Variants in MYH4 observed in about 807,000 individuals in gnomAD.
MYH4 encodes myosin heavy chain 4, also known as myosin-4.
In MYH4, 200 loss-of-function variants were observed where a neutral mutation model predicts 229.9. The observed-to-expected ratio is 0.87, with a 90% CI of 0.78 to 0.98. The LOEUF (loss-of-function observed/expected upper bound fraction) is 0.98. MYH4 is among the 50% of genes least tolerant of loss of function. MYH4 has a pLI of 0.00. For missense variants in MYH4, 2,148 were observed against 2,332.6 expected, an observed-to-expected ratio of 0.92 and a Z score of 1.63; for synonymous variants, 761 against 834.6, an observed-to-expected ratio of 0.91 and a Z score of 1.52.
At position 10,466,294 on chromosome 17, in the gene MYH4, A is replaced by T; in HGVS notation, c.327T>A (p.Arg109=). The change falls in exon 4 of 40, where the codon CGT becomes CGA. Residue 109 remains arginine, a synonymous_variant. Coordinates refer to ENST00000255381, the MANE Select transcript of MYH4 (RefSeq NM_017533.2). ...TCACGTAGATCATCCAGGCTGCGTAACGCTCTTTGAGGTTATACAGCACAG... is the reference window on the plus strand; with the variant it reads ...TCACGTAGATCATCCAGGCTGCGTATCGCTCTTTGAGGTTATACAGCACAG... ...EPAVLYNLKE[R]YAAWMIYTYS... is the part of the protein sequence containing the mutation. 6.2e-7 allele frequency: 1 copy of T among 1,614,092 alleles called. No homozygotes were observed. Among genetic ancestry groups the T allele is most frequent in the Non-Finnish European group, 8.5e-7 (1 of 1,180,018 alleles).
At chr17:10,455,148 G>T in intron 20 of MYH4, 24 bp downstream of exon 20, 1 of 1,614,066 alleles carries the variant, frequency 6.2e-7, no homozygotes, top group Non-Finnish European at 8.5e-7. Context: ...AATTATGACA[G>T]ATAGAAATTT....
At position 10,448,912 on chromosome 17, in the gene MYH4, A is replaced by G. The variant is rs1278676538; in HGVS notation, c.4317T>C (p.Ser1439=). ...VEDLMIDVER[S]NAACIALDKK... is the part of the protein sequence containing the mutation. ...TATCGAGAGCTATGCAGGCAGCATT[A>G]GATCGTTCCACATCAATCATGAGGT... Residue 1439 remains serine, a synonymous_variant, in exon 31 of 40, where the codon TCT becomes TCC. Transcript: ENST00000255381. 6.2e-7 allele frequency: 1 copy of G among 1,614,190 alleles called. No individual in the cohort carries two copies. Among genetic ancestry groups the G allele is most frequent in the Non-Finnish European group, 8.5e-7 (1 of 1,180,020 alleles).
intron 4 of MYH4, 36 bp downstream of exon 4, chr17:10,466,237 G>A: frequency 6.2e-7 from 1 of 1,609,290 alleles, no homozygotes; most frequent in South Asian, 1.1e-5. Flanking sequence ...TGTAGAATGT[G>A]GAGTGAGTGA....
At position 10,444,853 on chromosome 17, in the gene MYH4, A is replaced by G. The variant is rs1310742022; in HGVS notation, c.5513T>C (p.Val1838Ala). ...SEVESEQKHN[V>A]EAVKGLRKHE... ...TTTGCGAAGACCCTTGACAGCCTCAACATTGTGCTTCTGTTCACTTTCCAC... is the reference window on the plus strand; with the variant it reads ...TTTGCGAAGACCCTTGACAGCCTCAGCATTGTGCTTCTGTTCACTTTCCAC... Residue 1838 changes from valine (V) to alanine (A), a missense_variant, in exon 38 of 40, where the codon GTT becomes GCT. Val to Ala is a moderately conservative substitution (Grantham distance 64). Coordinates refer to ENST00000255381, the MANE Select transcript of MYH4 (RefSeq NM_017533.2). 1.2e-6 allele frequency: 2 copies of G among 1,614,132 alleles called. No homozygotes were observed. Among genetic ancestry groups the G allele is most frequent in the South Asian group, 2.2e-5 (2 of 91,076 alleles).
Position 10,448,891 on chromosome 17 carries a change from G to T in MYH4, c.4338C>A (p.Leu1446=). The T allele has an allele frequency of 6.2e-7, 1 of 1,614,096 alleles. No homozygotes were observed. The change falls in exon 31 of 40, where the codon CTC becomes CTA. Residue 1446 remains leucine (L), a synonymous_variant. Transcript: ENST00000255381. ...VERSNAACIA[L]DKKQRNFDKV... ...TGTCAAAGTTTCTTTGCTTCTTATC[G>T]AGAGCTATGCAGGCAGCATTAGATC...
In MYH4 at chr17:10,457,452, A is replaced by G. The variant is rs2072653692; in HGVS notation, c.1865T>C (p.Phe622Ser). Residue 622 changes from phenylalanine to serine, a missense_variant, in exon 16 of 40, where the codon TTC becomes TCC. Transcript: ENST00000255381. ...YQKSAMKTLA[F>S]LFSGAQTAEA... ...AGCAGTTTGTGCCCCAGAGAAGAGG[A>G]AAGCCAGAGTCTTCATTGCAGACTT... 4 of 1,611,246 alleles carry G rather than the reference A, an allele frequency of 2.5e-6. No individual in the cohort carries two copies. The highest frequency in any genetic ancestry group is 3.4e-6 in the Non-Finnish European group (4 of 1,178,236).
At position 10,447,205 on chromosome 17, in the gene MYH4, T is replaced by G; in HGVS notation, c.4977A>C (p.Leu1659=). 1.9e-6 allele frequency: 3 copies of G among 1,614,104 alleles called. No homozygotes were observed. Among genetic ancestry groups the G allele is most frequent in the Non-Finnish European group, 2.5e-6 (3 of 1,179,962 alleles). ...GGCCTCTGATGGCATCATCCAAATGTAGCTGAGTGTCCTACACAGAAAGAG... is the reference window on the plus strand; with the variant it reads ...GGCCTCTGATGGCATCATCCAAATGGAGCTGAGTGTCCTACACAGAAAGAG... ...NTQGILKDTQ[L]HLDDAIRGQD... The change falls in exon 35 of 40, where the codon CTA becomes CTC. Residue 1659 remains leucine, a synonymous_variant. Transcript: ENST00000255381.
chr17:10,468,231 C>CT (rs563389228), intron 2 of MYH4, among the ~76,000 whole-genome samples: 6 of 152,192 alleles, frequency 3.9e-5, no homozygotes, highest in Non-Finnish European at 8.8e-5. Flanking sequence ...TAACAACACA[C>CT]TACCACGTGG....
chr17:10,453,693 C>T lies in MYH4; in HGVS notation c.2884G>A (p.Glu962Lys). 6.2e-7 allele frequency: 1 copy of T among 1,614,098 alleles called. No individual in the cohort carries two copies. Among genetic ancestry groups the T allele is most frequent in the Non-Finnish European group, 8.5e-7 (1 of 1,180,006 alleles). ...SELKKDIDDL[E>K]LTLAKVEKEK... is the part of the protein sequence containing the mutation. ...TTCTCAACCTTGGCCAGTGTCAGCT[C>T]AAGGTCATCAATGTCTTTCTTGAGC... Residue 962 changes from glutamate (E) to lysine (K), a missense_variant, in exon 23 of 40, where the codon GAG becomes AAG. Coordinates refer to ENST00000255381, the MANE Select transcript of MYH4 (RefSeq NM_017533.2).
chr17:10,447,059 T>C lies in MYH4; in HGVS notation c.5123A>G (p.Gln1708Arg). Residue 1708 changes from glutamine to arginine, a missense_variant, in exon 35 of 40, where the codon CAA (glutamine) becomes CGA (arginine). Coordinates refer to ENST00000255381, the MANE Select transcript of MYH4 (RefSeq NM_017533.2). Reference protein sequence around the residue: ...RTERGRKMAEQELLDASERVQ... With the variant: ...RTERGRKMAERELLDASERVQ... ...ACGTTCACTGGCATCCAGAAGCTCTTGCTCTGCCATTTTCCTGCCTCTCTC... is the reference window on the plus strand; with the variant it reads ...ACGTTCACTGGCATCCAGAAGCTCTCGCTCTGCCATTTTCCTGCCTCTCTC... The C allele has an allele frequency of 1.2e-6, 2 of 1,614,160 alleles. No homozygotes were observed. Among genetic ancestry groups the C allele is most frequent in the Admixed American group, 3.3e-5 (2 of 60,020 alleles).
chr17:10,469,455 T>G (rs1298272426), intron 1 of MYH4, 82 bp downstream of exon 1: 1 of 152,168 alleles, frequency 6.6e-6, no homozygotes, highest in East Asian at 1.9e-4. Flanking sequence ...TAATTAAAAT[T>G]TGGGAAGCAG....
At chr17:10,459,166 T>G (rs1241130862) in intron 15 of MYH4, 85 bp downstream of exon 15, 8 of 1,605,490 alleles carry the variant, frequency 5.0e-6, no homozygotes, top group Non-Finnish European at 1.7e-6. Flanking sequence ...CACTGCTTGT[T>G]CTTTGAGAAC....
rs1479951004 is a variant in MYH4, at chr17:10,453,255, A to G, written c.3008T>C (p.Leu1003Pro). Residue 1003 changes from leucine (L) to proline (P), a missense_variant, in exon 24 of 40, where the codon CTC becomes CCC. Leu to Pro is a moderately conservative substitution (Grantham distance 98, BLOSUM62 -3). Transcript: ENST00000255381. ...CAGGGTCTGCTGGTGGGCCTCCTGG[A>G]GAGCCTTCTTCTCCTTGGTCAGCTT... is the stretch of plus-strand genomic sequence containing the variant. ...IAKLTKEKKA[L>P]QEAHQQTLDD... is the part of the protein sequence containing the mutation. 2 of 1,614,042 alleles carry G rather than the reference A, an allele frequency of 1.2e-6. No homozygotes were observed. The highest frequency in any genetic ancestry group is 4.5e-5 in the East Asian group (2 of 44,864).
chr17:10,450,425 C>A (rs756740742), intron 30 of MYH4, 28 bp downstream of exon 30: 1 of 1,613,808 alleles, frequency 6.2e-7, no homozygotes, highest in Non-Finnish European at 8.5e-7. Flanking sequence ...TTTATTTCTT[C>A]CTGCTCCCCT....
At chr17:10,456,292 G>T (rs1029267307) in intron 17 of MYH4, among the ~76,000 whole-genome samples, 193 bp downstream of exon 17, 1 of 152,194 alleles carries the variant, frequency 6.6e-6, no homozygotes, top group African/African-American at 2.4e-5. Flanking sequence ...GAAGAGATAT[G>T]TAGTTTGTTT....
At position 10,453,926 on chromosome 17, in the gene MYH4, A is replaced by G. The variant is rs1384753120; in HGVS notation, c.2692-41T>C. 2.5e-6 allele frequency: 4 copies of G among 1,609,102 alleles called. No individual in the cohort carries two copies. In the African/African-American group the frequency reaches 4.0e-5, roughly 16 times the overall value. On this transcript the variant is annotated intron_variant, in intron 22 of 39. Transcript: ENST00000255381. ...AAGCATTTTCATTTGTCTGAGCTAT[A>G]TCTATAAGCACACAATAATTTATTA...
intron 30 of MYH4, among the ~76,000 whole-genome samples, chr17:10,449,441 A>G (rs903063059): frequency 6.6e-6 from 1 of 152,202 alleles, no homozygotes; most frequent in African/African-American, 2.4e-5. Context: ...AGGAAGAGAC[A>G]GTACATTTCT....
Position 10,445,290 on chromosome 17 carries a change from T to C in MYH4, c.5242A>G (p.Ile1748Val), listed in dbSNP as rs2072499401. 3 of 1,614,090 alleles carry C rather than the reference T, an allele frequency of 1.9e-6. No individual in the cohort carries two copies. The highest frequency in any genetic ancestry group is 1.1e-5 in the South Asian group (1 of 91,086). ...ISQIQGEMED[I>V]VQEARNAEEK... ...TCTGCATTGCGGGCTTCCTGGACGA[T>C]GTCCTCCATCTCTCCCTGGATTTGG... Residue 1748 changes from isoleucine to valine, a missense_variant, in exon 36 of 40, where the codon ATC becomes GTC. Transcript: ENST00000255381.
chr17:10,447,332 C>T lies in MYH4; in HGVS notation c.4966-116G>A, dbSNP rs372326986. 2.4e-3 allele frequency: 1,821 copies of T among 773,668 alleles called. 52 individuals carry two copies. In the South Asian group the frequency reaches 0.034, roughly 14 times the overall value. The allele number at this position is 773,668 out of a possible 1,614,324, so 47.9% of individuals were successfully genotyped here. Reference sequence around the variant, plus strand: ...TAGAGTATGATTAGATAGGAGCAATCGGCAAGTACCTTTAATAATAAATTC... The same window carrying T: ...TAGAGTATGATTAGATAGGAGCAATTGGCAAGTACCTTTAATAATAAATTC... On this transcript the variant is annotated intron_variant, in intron 34 of 39. Coordinates refer to ENST00000255381, the MANE Select transcript of MYH4 (RefSeq NM_017533.2).
Sources: allele counts gnomAD v4.1 joint callset (sites outside exome capture counted in the v4.1 genomes callset), GRCh38; gene constraint gnomAD v4.1.1; transcripts MANE v1.5; gene names NCBI Gene and HGNC (gene_info 2026-07-23, HGNC 2026-07-21).